SLC39A11: variants seen among roughly 807,000 people sequenced by gnomAD.
The protein encoded by SLC39A11 is zinc transporter ZIP11.
SLC39A11 carries 33 observed loss-of-function variants against 36.1 expected under a neutral mutation model. That is an observed-to-expected ratio of 0.91 (90% CI 0.69 to 1.22). SLC39A11 has a LOEUF of 1.22. SLC39A11 is among the 50% of genes most tolerant of loss of function. The pLI is 0.00. For synonymous variants in SLC39A11, 166 were observed against 170.3 expected (o/e 0.97, Z 0.20); for missense variants, 432 against 430.3 (o/e 1.00, Z -0.03).
chr17:72,764,525 G>A (rs762897577), intron 6 of SLC39A11, among the ~76,000 whole-genome samples: 5 of 152,092 alleles, frequency 3.3e-5, no homozygotes, highest in Non-Finnish European at 5.9e-5. Context: ...TCCTCCTACA[G>A]TTCCAGGCCT....
intron 6 of SLC39A11, among the ~76,000 whole-genome samples, chr17:72,829,738 C>A (rs1351015754): frequency 1.3e-5 from 2 of 152,150 alleles, no homozygotes; most frequent in Non-Finnish European, 2.9e-5. Flanking sequence ...GTGTCCCCAT[C>A]CTCATGGGCC....
At chr17:72,777,896 T>TGTATGTATGTAC (rs1292181320) in intron 6 of SLC39A11, among the ~76,000 whole-genome samples, 11 of 149,674 alleles carry the variant, frequency 7.3e-5, no homozygotes, top group Non-Finnish European at 1.3e-4. Flanking sequence ...TATGTATGTA[T>TGTATGTATGTAC]GTACGTACAT....
chr17:73,083,015 C>CAAAA (rs34607510), intron 3 of SLC39A11, among the ~76,000 whole-genome samples: 27,792 of 89,168 alleles, frequency 0.31, 5,098 homozygotes, highest in Middle Eastern at 0.51. Context: ...GACTCCATTT[C>CAAAA]AAAAAAAAAA....
At chr17:72,889,005 C>T (rs777589260) in intron 5 of SLC39A11, among the ~76,000 whole-genome samples, 4 of 152,034 alleles carry the variant, frequency 2.6e-5, no homozygotes, top group Non-Finnish European at 4.4e-5. Context: ...CATAAAGAGG[C>T]CTCAGACTCA....
chr17:72,955,471 T>TC (rs2086190502), intron 4 of SLC39A11, among the ~76,000 whole-genome samples: 1 of 132,166 alleles, frequency 7.6e-6, no homozygotes, highest in South Asian at 2.3e-4. Context: ...TCTGGCTAAT[T>TC]TTTTTTTTTT....
chr17:72,840,169 GAA>G, intron 6 of SLC39A11, among the ~76,000 whole-genome samples: 1 of 152,140 alleles, frequency 6.6e-6, no homozygotes, highest in South Asian at 2.1e-4. Flanking sequence ...GCATTTCTTT[GAA>G]AGCCATTATC....
intron 6 of SLC39A11, among the ~76,000 whole-genome samples, chr17:72,777,685 C>T (rs752958051): frequency 2.0e-5 from 3 of 152,188 alleles, no homozygotes; most frequent in East Asian, 3.9e-4. Context: ...CCTGTGGACA[C>T]CCTGACTTCA....
intron 5 of SLC39A11, among the ~76,000 whole-genome samples, chr17:72,899,972 GAGAGAGAGAGAAAGAA>G (rs1386068695): frequency 2.2e-4 from 25 of 115,086 alleles, no homozygotes; most frequent in African/African-American, 8.8e-4. Context: ...AAGAAAGAGA[GAGAGAGAGAGAAAGAA>G]AGAGAGAGAG....
intron 4 of SLC39A11, among the ~76,000 whole-genome samples, chr17:72,967,370 C>CAGAGAGAGAGAGGGAGAGAG (rs2087070342): frequency 9.1e-6 from 1 of 110,034 alleles, no homozygotes; most frequent in Non-Finnish European, 1.9e-5. Flanking sequence ...TAAGCATGCT[C>CAGAGAGAGAGAGGGAGAGAG]AGAGAGAGAG....
intron 4 of SLC39A11, among the ~76,000 whole-genome samples, chr17:72,967,450 A>G (rs1039924971): frequency 6.7e-6 from 1 of 150,240 alleles, no homozygotes. Flanking sequence ...GCTCCTAAGC[A>G]TATCCTGGGA....
At chr17:72,682,534 C>A (rs144852096) in intron 7 of SLC39A11, among the ~76,000 whole-genome samples, 1,688 of 152,292 alleles carry the variant, frequency 0.011, 24 homozygotes, top group Middle Eastern at 0.031. Flanking sequence ...GGCCGGTGCC[C>A]CCAAGCCCCA....
At chr17:72,809,782 C>T (rs111285757) in intron 6 of SLC39A11, among the ~76,000 whole-genome samples, 108 of 152,160 alleles carry the variant, frequency 7.1e-4, no homozygotes, top group Non-Finnish European at 1.4e-3. Context: ...TAATTGAAAA[C>T]GAAGAGTTTG....
At chr17:72,675,598 T>G (rs1012532504) in intron 7 of SLC39A11, among the ~76,000 whole-genome samples, 1 of 152,188 alleles carries the variant, frequency 6.6e-6, no homozygotes, top group African/African-American at 2.4e-5. Context: ...AGCACAGCCC[T>G]GGGAGTCCCA....
chr17:72,729,457 A>ATTTTTTTTTTT lies in SLC39A11; in HGVS notation c.671+7182_671+7192dup, dbSNP rs55729197. Among the ~76,000 whole-genome samples the ATTTTTTTTTTT allele has an allele frequency of 1.1e-3, 8 of 7,218 alleles. 1 individual carries two copies. Among genetic ancestry groups the ATTTTTTTTTTT allele is most frequent in the Non-Finnish European group, 1.9e-3 (6 of 3,136 alleles). 4.7% of individuals were successfully genotyped at this position (7,218 alleles called of 152,430 possible). On this transcript the variant is annotated intron_variant, in intron 7 of 9. Coordinates refer to ENST00000255559, the MANE Select transcript of SLC39A11 (RefSeq NM_139177.4). ...TATATATATATATATATATATATAT[A>ATTTTTTTTTTT]TTTTTTTTTTTTTTTTTTTTTGTAG...
intron 3 of SLC39A11, among the ~76,000 whole-genome samples, chr17:73,051,624 G>A (rs568616239): frequency 2.0e-5 from 3 of 150,350 alleles, no homozygotes; most frequent in Non-Finnish European, 4.4e-5. Flanking sequence ...TTGGGAGGCC[G>A]AGGCGGGCGG....
At position 73,084,505 on chromosome 17, in the gene SLC39A11, AG is replaced by A. The variant is rs528632739; in HGVS notation, c.147+302del. Among the ~76,000 whole-genome samples, 577 of 151,796 alleles carry A rather than the reference AG, an allele frequency of 3.8e-3. 5 individuals are homozygous for A. Among genetic ancestry groups the A allele is most frequent in the African/African-American group, 0.013 (532 of 41,452 alleles). On this transcript the variant is annotated intron_variant, in intron 3 of 9. Coordinates refer to ENST00000255559, the MANE Select transcript of SLC39A11 (RefSeq NM_139177.4). ...CTTTTAAGGGAGAAGGGGAGGAAAAAGTATATTTAGTTAGAGCCAACTATGT... is the reference window on the plus strand; with the variant it reads ...CTTTTAAGGGAGAAGGGGAGGAAAAATATATTTAGTTAGAGCCAACTATGT...
At chr17:73,089,046 A>C (rs543391392) in intron 1 of SLC39A11, among the ~76,000 whole-genome samples, 27 of 152,300 alleles carry the variant, frequency 1.8e-4, no homozygotes, top group African/African-American at 6.0e-4. Context: ...CAACATTGAA[A>C]AGTGGTTTCA....
chr17:72,678,502 T>G (rs893184726), intron 7 of SLC39A11, among the ~76,000 whole-genome samples: 1 of 152,002 alleles, frequency 6.6e-6, no homozygotes, highest in Non-Finnish European at 1.5e-5. Context: ...GTCAGGAGTT[T>G]AAGACTAGCC....
At position 72,904,747 on chromosome 17, in the gene SLC39A11, G is replaced by C. The variant is rs566319240; in HGVS notation, c.430+43005C>G. Among the ~76,000 whole-genome samples, 3 of 152,316 alleles carry C rather than the reference G, an allele frequency of 2.0e-5. No homozygotes were observed. The South Asian group carries it at 6.2e-4, about 32-fold the overall frequency. ...GAGAATTACTTCATAGGCATGAAAA[G>C]CCTTGTGATATAAGTGATTCTCTCA... is the stretch of plus-strand genomic sequence containing the variant. On this transcript the variant is annotated intron_variant, in intron 5 of 9. Coordinates refer to ENST00000255559, the MANE Select transcript of SLC39A11 (RefSeq NM_139177.4).
Sources: gnomAD v4.1 joint callset for allele counts (sites outside exome capture counted in the v4.1 genomes callset) on GRCh38, gnomAD v4.1.1 for gene constraint, MANE v1.5 for transcripts, NCBI Gene and HGNC (gene_info 2026-07-23, HGNC 2026-07-21) for gene names.